Variants in SETDB2 observed in about 807,000 individuals in gnomAD.
The protein encoded by SETDB2 is histone-lysine N-methyltransferase SETDB2.
In SETDB2, 56 loss-of-function variants were observed where a neutral mutation model predicts 82.5. The observed-to-expected ratio is 0.68, with a 90% confidence interval of 0.55 to 0.85. The LOEUF is 0.85. Ranked by LOEUF, SETDB2 falls within the 40% of genes least tolerant of loss-of-function variation. The pLI is 0.00. For synonymous variants in SETDB2, 272 were observed against 284.9 expected (o/e 0.95, Z 0.46); for missense variants, 677 against 816.4 (o/e 0.83, Z 2.08).
At chr13:49,470,878 C>T (rs1349413495) in intron 5 of SETDB2, among the ~76,000 whole-genome samples, 3 of 151,982 alleles carry the variant, frequency 2.0e-5, no homozygotes, top group Non-Finnish European at 4.4e-5. Flanking sequence ...AACGGCAAAC[C>T]CCAGGATGAA....
Position 49,444,852 on chromosome 13 carries a change from T to G in SETDB2, c.-347T>G, listed in dbSNP as rs1957627591. ...TTGAAGGTTAAACCACTAGCCCATT[T>G]CACAGGTAAGATTACACGAGCCCTT... On this transcript the variant is annotated 5_prime_UTR_variant, in exon 1 of 14. Coordinates refer to ENST00000611815, the MANE Select transcript of SETDB2 (RefSeq NM_001160308.3). 6.6e-6 allele frequency: 1 copy of G among 152,228 alleles called. No homozygotes were observed. The highest frequency in any genetic ancestry group is 1.5e-5 in the Non-Finnish European group (1 of 68,070). The allele number at this position is 152,228 out of a possible 1,614,324, so 9.4% of individuals were successfully genotyped here.
chr13:49,447,540 A>G (rs1957713256), intron 1 of SETDB2, among the ~76,000 whole-genome samples: 2 of 152,132 alleles, frequency 1.3e-5, no homozygotes, highest in African/African-American at 4.8e-5. Context: ...CCTCGATCAG[A>G]ATAAGAAAGT....
At chr13:49,459,665 A>G (rs1167672302) in intron 2 of SETDB2, among the ~76,000 whole-genome samples, 1 of 152,174 alleles carries the variant, frequency 6.6e-6, no homozygotes, top group Non-Finnish European at 1.5e-5. Context: ...GCTTCATGCA[A>G]TTAAACATAT....
intron 1 of SETDB2, among the ~76,000 whole-genome samples, chr13:49,449,368 A>G (rs1362189963): frequency 6.6e-6 from 1 of 151,918 alleles, no homozygotes; most frequent in Non-Finnish European, 1.5e-5. Context: ...TTCCTCCCTC[A>G]GCCTCCCAAG....
intron 8 of SETDB2, chr13:49,482,003 A>G: frequency 3.2e-6 from 3 of 947,516 alleles, no homozygotes; most frequent in Non-Finnish European, 3.8e-6. Flanking sequence ...AGTCACACGT[A>G]TGGATCCCTG....
At chr13:49,460,886 T>C (rs183595285) in intron 3 of SETDB2, among the ~76,000 whole-genome samples, 1 of 152,336 alleles carries the variant, frequency 6.6e-6, no homozygotes, top group African/African-American at 2.4e-5. Flanking sequence ...ATCTAGATTC[T>C]AATCCAGTTG....
intron 2 of SETDB2, among the ~76,000 whole-genome samples, chr13:49,453,412 T>A (rs1957819505): frequency 6.6e-6 from 1 of 152,000 alleles, no homozygotes; most frequent in African/African-American, 2.4e-5. Flanking sequence ...TTCTCTTGCC[T>A]CAGCCTCCTG....
chr13:49,458,653 G>A (rs73491248), intron 2 of SETDB2, among the ~76,000 whole-genome samples: 1 of 152,240 alleles, frequency 6.6e-6, no homozygotes, highest in Non-Finnish European at 1.5e-5. Context: ...GTATTTGTAC[G>A]TTAATGACTC....
intron 2 of SETDB2, among the ~76,000 whole-genome samples, chr13:49,457,306 A>AT (rs150742186): frequency 0.016 from 2,313 of 146,414 alleles, 81 homozygotes; most frequent in African/African-American, 0.056. Context: ...TAAATGACTC[A>AT]TTTTAAGTAT....
chr13:49,449,158 A>G (rs546750754), intron 1 of SETDB2, among the ~76,000 whole-genome samples: 2 of 152,284 alleles, frequency 1.3e-5, no homozygotes, highest in Admixed American at 1.3e-4. Context: ...CTGCCCTTTA[A>G]TAGGTAATTC....
chr13:49,451,368 A>T (rs1957782480), intron 1 of SETDB2, among the ~76,000 whole-genome samples, 185 bp from the exon 2 acceptor site: 1 of 150,284 alleles, frequency 6.7e-6, no homozygotes, highest in South Asian at 2.1e-4. Context: ...ATTATTTCTA[A>T]TTTTGATACT....
chr13:49,454,372 G>A (rs764895022), intron 2 of SETDB2, among the ~76,000 whole-genome samples: 10 of 152,164 alleles, frequency 6.6e-5, no homozygotes, highest in Admixed American at 6.5e-5. Context: ...TTGTGCCACT[G>A]TATTGCAGCC....
chr13:49,482,123 G>T, intron 8 of SETDB2: 1 of 985,396 alleles, frequency 1.0e-6, no homozygotes, highest in Non-Finnish European at 1.2e-6. Flanking sequence ...GCCAGGTGGT[G>T]TCCAGGAAGT....
chr13:49,451,039 G>T (rs935573684), intron 1 of SETDB2, among the ~76,000 whole-genome samples: 3 of 151,292 alleles, frequency 2.0e-5, no homozygotes, highest in African/African-American at 7.3e-5. Context: ...ACAGCCAGTT[G>T]TATTATACAA....
intron 7 of SETDB2, 58 bp downstream of exon 7, chr13:49,480,393 T>C (rs1958454265): frequency 6.7e-6 from 7 of 1,041,936 alleles, no homozygotes; most frequent in Non-Finnish European, 9.7e-6. Context: ...TGGGTACTTT[T>C]TATTGTGGTC....
intron 11 of SETDB2, among the ~76,000 whole-genome samples, chr13:49,486,921 AT>A (rs1448771264): frequency 2.0e-5 from 3 of 152,116 alleles, no homozygotes; most frequent in Non-Finnish European, 4.4e-5. Context: ...AAGGATGGAG[AT>A]TGGAGGAGAC....
At chr13:49,473,230 C>T (rs979664000) in intron 5 of SETDB2, among the ~76,000 whole-genome samples, 2 of 152,008 alleles carry the variant, frequency 1.3e-5, no homozygotes, top group African/African-American at 4.8e-5. Context: ...TCCCCTTCCT[C>T]CAAAGAGCAA....
At chr13:49,472,270 A>G (rs1958265283) in intron 5 of SETDB2, among the ~76,000 whole-genome samples, 1 of 152,134 alleles carries the variant, frequency 6.6e-6, no homozygotes, top group Non-Finnish European at 1.5e-5. Flanking sequence ...TTCTTGTTTT[A>G]AAATATGCCC....
Position 49,451,854 on chromosome 13 carries a change from TA to T in SETDB2, c.-38del, listed in dbSNP as rs1566153832. On this transcript the variant is annotated 5_prime_UTR_variant, in exon 2 of 14. Coordinates refer to ENST00000611815, the MANE Select transcript of SETDB2 (RefSeq NM_001160308.3). Reference sequence around the variant, plus strand: ...TGCAATCAAAGTGATTTGATAAACCTAATTTTGAAGCATTTTATATTTATAA... The same window carrying T: ...TGCAATCAAAGTGATTTGATAAACCTATTTTGAAGCATTTTATATTTATAA... The T allele has an allele frequency of 6.4e-7, 1 of 1,551,008 alleles. No individual in the cohort carries two copies. The highest frequency in any genetic ancestry group is 8.8e-7 in the Non-Finnish European group (1 of 1,134,018).
Sources: gnomAD v4.1 joint callset for allele counts (sites outside exome capture counted in the v4.1 genomes callset) on GRCh38, gnomAD v4.1.1 for gene constraint, MANE v1.5 for transcripts, NCBI Gene and HGNC (gene_info 2026-07-23, HGNC 2026-07-21) for gene names.